FYN: variants seen among roughly 807,000 people sequenced by gnomAD.
FYN encodes the protein tyrosine-protein kinase Fyn.
In FYN, 10 loss-of-function variants were observed where a neutral mutation model predicts 70.2. The ratio of observed to expected loss-of-function variants is 0.14; its 90% confidence interval spans 0.09 to 0.24. The LOEUF is 0.24. Among genes scored for constraint, FYN ranks in the 10% least tolerant of loss-of-function variants. The probability of loss-of-function intolerance (pLI) is 1.00; values close to 1 mark genes in which losing one functional copy is unlikely to be tolerated. For synonymous variants in FYN, 236 were observed against 248.6 expected (o/e 0.95, Z 0.48); for missense variants, 319 against 673.1 (o/e 0.47, Z 5.82).
At chr6:111,747,861 T>C (rs950590542) in intron 3 of FYN, among the ~76,000 whole-genome samples, 1 of 152,280 alleles carries the variant, frequency 6.6e-6, no homozygotes, top group Non-Finnish European at 1.5e-5. Context: ...CCATGCTTCA[T>C]GCTTCATTCT....
At chr6:111,803,637 G>A (rs1452151414) in intron 2 of FYN, among the ~76,000 whole-genome samples, 1 of 152,088 alleles carries the variant, frequency 6.6e-6, no homozygotes, top group Admixed American at 6.5e-5. Flanking sequence ...GGGGCATGGG[G>A]GTGTGGGGTA....
At chr6:111,795,725 T>C (rs562811605) in intron 2 of FYN, among the ~76,000 whole-genome samples, 3 of 152,310 alleles carry the variant, frequency 2.0e-5, no homozygotes, top group Admixed American at 1.3e-4. Context: ...TTAGGCACTT[T>C]GCATATATTA....
intron 1 of FYN, among the ~76,000 whole-genome samples, chr6:111,847,663 C>CCA (rs369953867): frequency 4.9e-4 from 75 of 151,684 alleles, no homozygotes; most frequent in Admixed American, 2.7e-3. Context: ...CCATCCCCCA[C>CCA]CACACACACA....
At chr6:111,860,892 C>T (rs1421025442) in intron 1 of FYN, among the ~76,000 whole-genome samples, 7 of 152,184 alleles carry the variant, frequency 4.6e-5, no homozygotes, top group African/African-American at 1.7e-4. Context: ...GTCAACCACA[C>T]TTACATGAAA....
At chr6:111,803,419 G>A (rs1772051885) in intron 2 of FYN, among the ~76,000 whole-genome samples, 1 of 151,764 alleles carries the variant, frequency 6.6e-6, no homozygotes, top group Non-Finnish European at 1.5e-5. Flanking sequence ...TGTCCAAGAG[G>A]TTTTCTTATT....
intron 2 of FYN, among the ~76,000 whole-genome samples, chr6:111,784,429 G>A (rs1771290112): frequency 6.6e-6 from 1 of 152,208 alleles, no homozygotes; most frequent in Admixed American, 6.5e-5. Context: ...AGCCATAGTT[G>A]AGAAACTCGT....
At chr6:111,750,848 C>A (rs1019056357) in intron 3 of FYN, among the ~76,000 whole-genome samples, 6 of 151,848 alleles carry the variant, frequency 4.0e-5, no homozygotes. Context: ...AAGAAAGGGG[C>A]AGCAAAGTCA....
chr6:111,862,991 AG>A (rs1402357747), intron 1 of FYN, among the ~76,000 whole-genome samples: 1 of 152,256 alleles, frequency 6.6e-6, no homozygotes, highest in African/African-American at 2.4e-5. Flanking sequence ...CTGCTAAATG[AG>A]GTGAGCCAGG....
At chr6:111,739,819 A>C (rs376429675) in intron 3 of FYN, among the ~76,000 whole-genome samples, 1 of 152,202 alleles carries the variant, frequency 6.6e-6, no homozygotes, top group Non-Finnish European at 1.5e-5. Context: ...GATACTTGAC[A>C]ATCTTTTGTT....
chr6:111,669,438 CAAAAAA>C (rs10690295), intron 13 of FYN, among the ~76,000 whole-genome samples: 1 of 56,866 alleles, frequency 1.8e-5, no homozygotes, highest in Non-Finnish European at 3.2e-5. Flanking sequence ...CCATCCATCT[CAAAAAA>C]AAAAAAAAAA....
chr6:111,670,428 C>A (rs1308194935), intron 13 of FYN, among the ~76,000 whole-genome samples: 1 of 152,164 alleles, frequency 6.6e-6, no homozygotes, highest in Non-Finnish European at 1.5e-5. Flanking sequence ...CTAGCTGTTA[C>A]CAGCAGCAAA....
At chr6:111,804,765 T>A (rs1221601018) in intron 2 of FYN, among the ~76,000 whole-genome samples, 1 of 152,220 alleles carries the variant, frequency 6.6e-6, no homozygotes, top group Non-Finnish European at 1.5e-5. Context: ...TGTGGCGTTG[T>A]GTGGAAACTT....
intron 12 of FYN, among the ~76,000 whole-genome samples, chr6:111,678,450 T>C (rs1051921971): frequency 6.6e-6 from 1 of 152,184 alleles, no homozygotes; most frequent in Non-Finnish European, 1.5e-5. Context: ...CTCAATCCTG[T>C]TTCTCTGAAT....
chr6:111,692,115 T>C (rs1165483655), intron 12 of FYN, among the ~76,000 whole-genome samples: 1 of 136,790 alleles, frequency 7.3e-6, no homozygotes, highest in African/African-American at 2.6e-5. Flanking sequence ...CCCCCCCCAG[T>C]TCAGCTCTCC....
chr6:111,758,115 ACAT>A (rs1314539655), intron 3 of FYN, among the ~76,000 whole-genome samples: 1 of 152,234 alleles, frequency 6.6e-6, no homozygotes, highest in African/African-American at 2.4e-5. Flanking sequence ...CTCACTGGAA[ACAT>A]CAAAATAAGC....
chr6:111,778,013 A>G (rs1771018349), intron 3 of FYN, among the ~76,000 whole-genome samples: 1 of 152,180 alleles, frequency 6.6e-6, no homozygotes, highest in Admixed American at 6.5e-5. Flanking sequence ...GACACTTCAT[A>G]CTGATTGTGA....
intron 1 of FYN, among the ~76,000 whole-genome samples, chr6:111,847,055 A>G (rs1773551358): frequency 1.3e-5 from 2 of 152,198 alleles, no homozygotes; most frequent in African/African-American, 4.8e-5. Flanking sequence ...AAACACCCCC[A>G]GCACCCAGCC....
At chr6:111,733,163 T>C (rs895281333) in intron 3 of FYN, among the ~76,000 whole-genome samples, 1 of 152,176 alleles carries the variant, frequency 6.6e-6, no homozygotes, top group Non-Finnish European at 1.5e-5. Context: ...GGCAAGTTAG[T>C]AGGATAACAA....
chr6:111,719,101 T>C (rs139240503), intron 4 of FYN, among the ~76,000 whole-genome samples: 44 of 152,302 alleles, frequency 2.9e-4, no homozygotes, highest in Non-Finnish European at 5.6e-4. Flanking sequence ...AAAATAATTC[T>C]GGAACAAATA....
Sources: gnomAD v4.1 joint callset for allele counts (sites outside exome capture counted in the v4.1 genomes callset) on GRCh38, gnomAD v4.1.1 for gene constraint, MANE v1.5 for transcripts, NCBI Gene and HGNC (gene_info 2026-07-23, HGNC 2026-07-21) for gene names.